The following CTNNA2 variants were observed in gnomAD, a reference collection of about 807,000 sequenced individuals.
CTNNA2 encodes catenin alpha-2.
A neutral mutation model predicts 101.0 loss-of-function variants in CTNNA2; 42 were observed. The observed-to-expected ratio is 0.42, with a 90% CI of 0.32 to 0.54. CTNNA2 has a LOEUF of 0.54. CTNNA2 is among the 20% of genes least tolerant of loss of function. The probability of loss-of-function intolerance (pLI) is 0.14; values close to 1 mark genes in which losing one functional copy is unlikely to be tolerated. For missense variants in CTNNA2, 871 were observed against 1,223.1 expected (o/e 0.71, Z 4.29); for synonymous variants, 450 against 456.4 (o/e 0.99, Z 0.18).
At chr2:79,326,945 A>T (rs1676761473) in intron 3 of CTNNA2, among the ~76,000 whole-genome samples, 1 of 152,106 alleles carries the variant, frequency 6.6e-6, no homozygotes, top group Non-Finnish European at 1.5e-5. Flanking sequence ...AGAGCATTGG[A>T]TCTGGTGGCC....
intron 13 of CTNNA2, among the ~76,000 whole-genome samples, chr2:80,577,043 T>G (rs531233028): frequency 6.6e-6 from 1 of 152,176 alleles, no homozygotes; most frequent in East Asian, 1.9e-4. Flanking sequence ...CCTCTTAAGG[T>G]GTCTAGTTTT....
intron 4 of CTNNA2, among the ~76,000 whole-genome samples, chr2:79,402,641 C>G (rs1052102034): frequency 1.2e-4 from 18 of 151,860 alleles, no homozygotes; most frequent in Admixed American, 1.1e-3. Context: ...TCATAGGTAA[C>G]TGAAACTTCA....
intron 7 of CTNNA2, among the ~76,000 whole-genome samples, chr2:80,012,773 A>G (rs1235458860): frequency 1.3e-5 from 2 of 152,212 alleles, no homozygotes; most frequent in East Asian, 1.9e-4. Context: ...GTCTTTCCTT[A>G]TCTGCCACTC....
chr2:79,833,319 C>T (rs1679069256), intron 3 of CTNNA2, among the ~76,000 whole-genome samples: 1 of 152,138 alleles, frequency 6.6e-6, no homozygotes, highest in South Asian at 2.1e-4. Context: ...CTTCTGTCTG[C>T]TTGTCTTTAG....
At chr2:80,362,826 A>G (rs1674539717) in intron 7 of CTNNA2, among the ~76,000 whole-genome samples, 1 of 152,044 alleles carries the variant, frequency 6.6e-6, no homozygotes, top group African/African-American at 2.4e-5. Flanking sequence ...AGTATTAACA[A>G]TAAATGTTAG....
chr2:79,393,758 C>G (rs1360183405), intron 4 of CTNNA2, among the ~76,000 whole-genome samples: 2 of 151,818 alleles, frequency 1.3e-5, no homozygotes, highest in Non-Finnish European at 2.9e-5. Context: ...CACCCCTATT[C>G]TCCATCACAG....
intron 3 of CTNNA2, among the ~76,000 whole-genome samples, chr2:79,338,722 C>A (rs998603677): frequency 6.6e-6 from 1 of 151,596 alleles, no homozygotes; most frequent in African/African-American, 2.4e-5. Flanking sequence ...ACTATAGGAA[C>A]CCACTTCAAT....
chr2:79,458,545 A>T (rs1670848364), intron 4 of CTNNA2, among the ~76,000 whole-genome samples: 1 of 152,094 alleles, frequency 6.6e-6, no homozygotes, highest in African/African-American at 2.4e-5. Context: ...TCACAATAGG[A>T]TTGTTAATGA....
At chr2:79,574,496 G>A (rs899740432) in intron 1 of CTNNA2, among the ~76,000 whole-genome samples, 22 of 152,196 alleles carry the variant, frequency 1.4e-4, no homozygotes, top group African/African-American at 4.6e-4. Context: ...GTGTTTGCTC[G>A]CTTAGGGTAA....
Position 80,106,061 on chromosome 2 carries a change from G to A in CTNNA2, c.1056+196264G>A, listed in dbSNP as rs562250864. Among the ~76,000 whole-genome samples the A allele has an allele frequency of 1.1e-4, 16 of 152,300 alleles. 1 individual carries two copies. In the South Asian group the frequency reaches 3.1e-3, roughly 30 times the overall value. ...CAGGTAAGGAGGATACCGGGGATAG[G>A]TCCCAAAGCAATGCCTCCCCTAACA... On this transcript the variant is annotated intron_variant, in intron 7 of 18. Coordinates refer to ENST00000402739, the MANE Select transcript of CTNNA2 (RefSeq NM_001282597.3).
chr2:80,531,741 A>T (rs1183099613), intron 9 of CTNNA2, among the ~76,000 whole-genome samples: 1 of 152,020 alleles, frequency 6.6e-6, no homozygotes, highest in Non-Finnish European at 1.5e-5. Context: ...TTCTTTAAGA[A>T]CCTGTGCTTC....
At chr2:80,323,158 G>A (rs1193169144) in intron 7 of CTNNA2, among the ~76,000 whole-genome samples, 1 of 152,118 alleles carries the variant, frequency 6.6e-6, no homozygotes, top group East Asian at 1.9e-4. Context: ...TCTGCTTTTC[G>A]TGTAGCTCAG....
At chr2:79,884,751 C>T (rs1275411051) in intron 6 of CTNNA2, among the ~76,000 whole-genome samples, 4 of 138,404 alleles carry the variant, frequency 2.9e-5, no homozygotes, top group African/African-American at 8.1e-5. Flanking sequence ...TTTAAATATG[C>T]TTTTTTTTTT....
intron 7 of CTNNA2, among the ~76,000 whole-genome samples, chr2:80,145,410 T>G (rs1703270853): frequency 1.3e-5 from 2 of 152,300 alleles, no homozygotes; most frequent in South Asian, 4.1e-4. Context: ...ATTAGCTTTC[T>G]CCATGACCTC....
At chr2:80,562,868 C>T (rs532379324) in intron 12 of CTNNA2, among the ~76,000 whole-genome samples, 7 of 151,870 alleles carry the variant, frequency 4.6e-5, no homozygotes, top group Non-Finnish European at 7.4e-5. Flanking sequence ...TTATATAACA[C>T]AGGAAGAGAA....
Position 79,716,027 on chromosome 2 carries a change from A to G in CTNNA2, c.103-28360A>G, listed in dbSNP as rs568792520. Among the ~76,000 whole-genome samples, 197 of 106,954 alleles carry G rather than the reference A, an allele frequency of 1.8e-3. 2 individuals carry two copies. The highest frequency in any genetic ancestry group is 5.5e-3 in the African/African-American group (186 of 33,578). The allele number at this position is 106,954 out of a possible 152,430, so 70.2% of individuals were successfully genotyped here. ...GCCAGTTAATCGACTATAAGGATTGAAAAAAAAAAGGCATTTTCAGACAAT... is the reference window on the plus strand; with the variant it reads ...GCCAGTTAATCGACTATAAGGATTGGAAAAAAAAAGGCATTTTCAGACAAT... On this transcript the variant is annotated intron_variant, in intron 2 of 18. Transcript: ENST00000402739.
At chr2:80,516,200 A>G (rs1311341295) in intron 9 of CTNNA2, among the ~76,000 whole-genome samples, 2 of 152,182 alleles carry the variant, frequency 1.3e-5, no homozygotes, top group African/African-American at 4.8e-5. Flanking sequence ...ATTGGCTAAT[A>G]TGCATCTTGC....
intron 2 of CTNNA2, among the ~76,000 whole-genome samples, chr2:79,693,059 A>G (rs572250992): frequency 4.6e-5 from 7 of 152,022 alleles, no homozygotes; most frequent in Admixed American, 3.9e-4. Context: ...GCTATATACT[A>G]TATGCTACTT....
intron 2 of CTNNA2, among the ~76,000 whole-genome samples, chr2:79,686,212 C>T (rs186770019): frequency 6.6e-6 from 1 of 152,188 alleles, no homozygotes; most frequent in East Asian, 1.9e-4. Flanking sequence ...TCATGCTTTA[C>T]TGAAAGCTAA....
Sources: allele counts gnomAD v4.1 joint callset (sites outside exome capture counted in the v4.1 genomes callset), GRCh38; gene constraint gnomAD v4.1.1; transcripts MANE v1.5; gene names NCBI Gene and HGNC (gene_info 2026-07-23, HGNC 2026-07-21).